The following ARMCX4 variants were observed in gnomAD, a reference collection of about 807,000 sequenced individuals.
The protein encoded by ARMCX4 is armadillo repeat containing X-linked 4.
ARMCX4 carries 3 observed loss-of-function variants against 34.7 expected under a neutral mutation model. The observed-to-expected ratio is 0.09, with a 90% CI of 0.04 to 0.22. The LOEUF (loss-of-function observed/expected upper bound fraction) is 0.22, where lower values mean the gene tolerates loss of function less well. Ranked by LOEUF, ARMCX4 falls within the 10% of genes least tolerant of loss-of-function variation. The pLI is 1.00. For synonymous variants in ARMCX4, 513 were observed against 632.8 expected (o/e 0.81, Z 2.84); for missense variants, 1,448 against 1,720.8 (o/e 0.84, Z 2.81).
intron 4 of ARMCX4, among the ~76,000 whole-genome samples, chrX:101,466,717 G>T (rs983384899): frequency 8.9e-6 from 1 of 111,873 alleles, no homozygotes; most frequent in African/African-American, 3.3e-5. Context: ...TGAGGCTGAA[G>T]AGAGAGGGTT....
intron 2 of ARMCX4, among the ~76,000 whole-genome samples, chrX:101,441,806 C>G (rs782172430): frequency 6.3e-5 from 7 of 111,496 alleles, no homozygotes; most frequent in Admixed American, 1.9e-4. Flanking sequence ...ATGGCCTGTG[C>G]TAGTGGTTCT....
chrX:101,432,455 G>C (rs1228953445), intron 2 of ARMCX4, among the ~76,000 whole-genome samples: 1 of 110,948 alleles, frequency 9.0e-6, no homozygotes, highest in Non-Finnish European at 1.9e-5. Context: ...GAAGTCAGGA[G>C]TTCAAGTCTA....
chrX:101,507,300 ACT>A (rs1556015374), intron 8 of ARMCX4, among the ~76,000 whole-genome samples: 2 of 110,945 alleles, frequency 1.8e-5, no homozygotes, highest in Non-Finnish European at 3.8e-5. Context: ...AATCTCTTCC[ACT>A]CTCTGTCTCA....
At position 101,489,995 on chromosome X, in the gene ARMCX4, T is replaced by C. The variant is rs1329226402; in HGVS notation, c.1406T>C (p.Leu469Ser). The C allele has an allele frequency of 3.5e-6, 4 of 1,153,174 alleles. No homozygotes were observed. Among genetic ancestry groups the C allele is most frequent in the Middle Eastern group, 2.3e-4 (1 of 4,313 alleles). Residue 469 changes from leucine to serine, a missense_variant, in exon 6 of 6, where the codon TTG becomes TCG. This residue lies in a region of ARMCX4 where 1,343 missense variants were observed against 1,540.7 expected (regional missense o/e 0.87). Coordinates refer to ENST00000423738, the MANE Select transcript of ARMCX4 (RefSeq NM_001256155.3). ...MAKVGDGTDM[L>S]SCTQPQLVAS... ...AAGGTGGGGGATGGGACAGACATGTTGTCCTGTACACAGCCTCAGCTTGTG... is the reference window on the plus strand; with the variant it reads ...AAGGTGGGGGATGGGACAGACATGTCGTCCTGTACACAGCCTCAGCTTGTG...
chrX:101,500,217 A>T (rs1934266000), downstream of ARMCX4, among the ~76,000 whole-genome samples: 1 of 111,270 alleles, frequency 9.0e-6, no homozygotes, highest in South Asian at 3.9e-4. Flanking sequence ...TAGGGTTCAC[A>T]GTGGGCCCAC....
At chrX:101,452,013 A>G (rs1471121600), downstream of ARMCX4, among the ~76,000 whole-genome samples, 1 of 112,123 alleles carries the variant, frequency 8.9e-6, no homozygotes, top group Non-Finnish European at 1.9e-5. Context: ...TTGTCTTTCT[A>G]TGGAAGCCTT....
intron 4 of ARMCX4, among the ~76,000 whole-genome samples, chrX:101,474,982 GA>G (rs1224232813): frequency 0.088 from 5,579 of 63,242 alleles, 205 homozygotes; most frequent in African/African-American, 0.16. Flanking sequence ...GGAGAAGGAA[GA>G]AAAAAAAAAA....
chrX:101,532,019 G>C (rs919436604), intron 12 of ARMCX4: 40 of 112,066 alleles, frequency 3.6e-4, no homozygotes, highest in African/African-American at 1.2e-3. Context: ...AATGGTAAGT[G>C]AAGTGCACAT....
intron 2 of ARMCX4, among the ~76,000 whole-genome samples, chrX:101,442,190 G>A (rs1555997032): frequency 8.9e-6 from 1 of 112,486 alleles, no homozygotes; most frequent in African/African-American, 3.2e-5. Context: ...CCATCAGGGA[G>A]GATTCCTAGC....
At chrX:101,432,985 CACATGTATACATATAT>C (rs1555992790) in intron 2 of ARMCX4, among the ~76,000 whole-genome samples, 1 of 106,248 alleles carries the variant, frequency 9.4e-6, no homozygotes, top group Admixed American at 1.0e-4. Context: ...TATATATACA[CACATGTATACATATAT>C]GTGTATATAT....
At chrX:101,504,015 T>G (rs1237110396) in intron 7 of ARMCX4, among the ~76,000 whole-genome samples, 1 of 111,842 alleles carries the variant, frequency 8.9e-6, no homozygotes, top group Non-Finnish European at 1.9e-5. Flanking sequence ...GGCTAGCCAG[T>G]TTTCCCAGCA....
chrX:101,465,787 A>G (rs182966337), intron 4 of ARMCX4, among the ~76,000 whole-genome samples: 33 of 112,465 alleles, frequency 2.9e-4, no homozygotes, highest in Admixed American at 4.7e-4. Flanking sequence ...AAATTTCACT[A>G]CATGAAAGGC....
At chrX:101,445,736 A>T (rs1931582999) in intron 3 of ARMCX4, among the ~76,000 whole-genome samples, 1 of 111,604 alleles carries the variant, frequency 9.0e-6, no homozygotes, top group Admixed American at 9.6e-5. Context: ...CTCTATTTCC[A>T]GATTCCTTTC....
rs202218702 is a variant in ARMCX4 at position 101,512,787 on chromosome X, C to CAT, written c.*1780+1740_*1780+1741dup. On this transcript the variant is annotated intron_variant and NMD_transcript_variant, in intron 11 of 12. Coordinates refer to the ARMCX4 transcript ENST00000354842. ...ATATATACACACATATATATATACACATATATATACATATATACACATATA... is the reference window on the plus strand; with the variant it reads ...ATATATACACACATATATATATACACATATATATATACATATATACACATATA... Among the ~76,000 whole-genome samples, 64 of 97,805 alleles carry CAT rather than the reference C, an allele frequency of 6.5e-4. No individual in the cohort carries two copies. In the East Asian group the frequency reaches 0.016, roughly 24 times the overall value. 84.9% of individuals were successfully genotyped at this position (97,805 alleles called of 115,157 possible).
At chrX:101,517,539 T>G (rs1187339692) in intron 11 of ARMCX4, among the ~76,000 whole-genome samples, 2 of 111,399 alleles carry the variant, frequency 1.8e-5, no homozygotes, top group Non-Finnish European at 3.8e-5. Flanking sequence ...CCTCCCAAAG[T>G]GCTGGGACTG....
chrX:101,530,980 C>T (rs187691941), intron 11 of ARMCX4, among the ~76,000 whole-genome samples: 5 of 112,453 alleles, frequency 4.4e-5, no homozygotes, highest in Admixed American at 9.4e-5. Context: ...ACCACACACT[C>T]AATTGCTTAA....
At chrX:101,485,295 G>C (rs1405263304), upstream of ARMCX4, 1 of 111,263 alleles carries the variant, frequency 9.0e-6, no homozygotes, top group East Asian at 2.8e-4. Flanking sequence ...GAACGGGGAT[G>C]TCTGTGCGTG....
intron 11 of ARMCX4, among the ~76,000 whole-genome samples, chrX:101,515,421 TCC>T (rs1934710176): frequency 1.1e-4 from 1 of 8,863 alleles, no homozygotes; most frequent in Admixed American, 1.5e-3. Context: ...CTCTCTTCCT[TCC>T]TTCCTTCCTT....
At chrX:101,451,922 G>T (rs183602030), downstream of ARMCX4, among the ~76,000 whole-genome samples, 1 of 112,259 alleles carries the variant, frequency 8.9e-6, no homozygotes, top group African/African-American at 3.2e-5. Context: ...AGATTTCAAA[G>T]AATTCAAGTC....
Sources: gnomAD v4.1 joint callset for allele counts (sites outside exome capture counted in the v4.1 genomes callset) on GRCh38, gnomAD v4.1.1 for gene constraint, gnomAD v4.1.1 regional missense constraint, MANE v1.5 for transcripts, NCBI Gene and HGNC (gene_info 2026-07-23, HGNC 2026-07-21) for gene names.